The following HS3ST5 variants were observed in gnomAD, a reference collection of about 807,000 sequenced individuals.
HS3ST5 encodes the protein heparan sulfate-glucosamine 3-sulfotransferase 5.
In HS3ST5, 10 loss-of-function variants were observed where a neutral mutation model predicts 25.4. The ratio of observed to expected loss-of-function variants is 0.39; its 90% CI spans 0.24 to 0.67. The LOEUF (loss-of-function observed/expected upper bound fraction) is 0.67. Ranked by LOEUF, HS3ST5 falls within the 30% of genes least tolerant of loss-of-function variation. The probability of loss-of-function intolerance (pLI) is 0.44; values close to 1 mark genes in which losing one functional copy is unlikely to be tolerated. For missense variants in HS3ST5, 324 were observed against 420.7 expected (o/e 0.77, Z 2.01); for synonymous variants, 170 against 162.4 (o/e 1.05, Z -0.36).
intron 2 of HS3ST5, among the ~76,000 whole-genome samples, chr6:114,176,299 A>C (rs887558512): frequency 3.3e-5 from 5 of 152,184 alleles, no homozygotes; most frequent in Non-Finnish European, 7.3e-5. Flanking sequence ...AACAATGTGA[A>C]AACACCTGTC....
chr6:114,066,877 T>C (rs1041369738), intron 3 of HS3ST5, among the ~76,000 whole-genome samples: 10 of 151,930 alleles, frequency 6.6e-5, no homozygotes, highest in African/African-American at 2.4e-4. Flanking sequence ...TAATATAAGT[T>C]ATTTTGTCCC....
chr6:114,086,301 C>G (rs1774821613), intron 3 of HS3ST5, among the ~76,000 whole-genome samples: 2 of 152,116 alleles, frequency 1.3e-5, no homozygotes, highest in South Asian at 4.1e-4. Flanking sequence ...TTTTCTCTAG[C>G]AAGTAGCAGA....
At chr6:114,195,421 T>C (rs886757934) in intron 2 of HS3ST5, among the ~76,000 whole-genome samples, 1 of 152,028 alleles carries the variant, frequency 6.6e-6, no homozygotes, top group Non-Finnish European at 1.5e-5. Flanking sequence ...CATTCAGCTG[T>C]TGTAAGCCAA....
intron 3 of HS3ST5, among the ~76,000 whole-genome samples, chr6:114,135,790 C>T (rs1777568253): frequency 6.6e-6 from 1 of 152,188 alleles, no homozygotes; most frequent in Non-Finnish European, 1.5e-5. Context: ...AAGGCTCTTC[C>T]CCAGCCACCC....
intron 2 of HS3ST5, among the ~76,000 whole-genome samples, chr6:114,226,558 T>C (rs1333869080): frequency 6.6e-6 from 1 of 151,876 alleles, no homozygotes; most frequent in Non-Finnish European, 1.5e-5. Flanking sequence ...GAGAAACTTT[T>C]ATATGAAGAG....
At chr6:114,128,938 C>T (rs1401448532) in intron 3 of HS3ST5, among the ~76,000 whole-genome samples, 1 of 152,166 alleles carries the variant, frequency 6.6e-6, no homozygotes, top group Non-Finnish European at 1.5e-5. Context: ...GAAAAAGCTG[C>T]TGATAAATTC....
At chr6:114,306,677 T>C (rs1001062729) in intron 1 of HS3ST5, among the ~76,000 whole-genome samples, 1 of 152,126 alleles carries the variant, frequency 6.6e-6, no homozygotes, top group African/African-American at 2.4e-5. Context: ...GTGGTTGCTA[T>C]AAAAATAGCT....
At chr6:114,273,171 G>T (rs1188400105) in intron 1 of HS3ST5, among the ~76,000 whole-genome samples, 1 of 152,062 alleles carries the variant, frequency 6.6e-6, no homozygotes, top group Non-Finnish European at 1.5e-5. Context: ...GAGTGATAAT[G>T]GTGGAGAAGG....
At chr6:114,202,142 C>T (rs559815214) in intron 2 of HS3ST5, among the ~76,000 whole-genome samples, 4 of 151,974 alleles carry the variant, frequency 2.6e-5, no homozygotes, top group Admixed American at 6.6e-5. Flanking sequence ...TTCAAAAGGC[C>T]GGGGAAAATG....
chr6:114,253,652 C>T (rs551694867), intron 1 of HS3ST5, among the ~76,000 whole-genome samples: 52 of 152,144 alleles, frequency 3.4e-4, no homozygotes, highest in Middle Eastern at 3.2e-3. Context: ...AGACATGACA[C>T]TCAGCACAAT....
intron 2 of HS3ST5, among the ~76,000 whole-genome samples, chr6:114,197,044 C>T (rs1472912396): frequency 6.6e-6 from 1 of 151,958 alleles, no homozygotes; most frequent in African/African-American, 2.4e-5. Flanking sequence ...GGGCTCCAAC[C>T]AGTTGGTCAA....
chr6:114,231,323 A>G (rs1038921318), intron 1 of HS3ST5: 2 of 152,360 alleles, frequency 1.3e-5, no homozygotes, highest in East Asian at 3.9e-4. Context: ...TGCTTTCACC[A>G]TGTGATGTGC....
At chr6:114,240,533 C>T (rs1276382048) in intron 1 of HS3ST5, among the ~76,000 whole-genome samples, 2 of 152,106 alleles carry the variant, frequency 1.3e-5, no homozygotes, top group Non-Finnish European at 2.9e-5. Flanking sequence ...TCGAAGGGGT[C>T]CTTTGTTGCT....
intron 3 of HS3ST5, among the ~76,000 whole-genome samples, chr6:114,077,191 T>C (rs34674577): frequency 0.019 from 2,962 of 152,296 alleles, 54 homozygotes; most frequent in Non-Finnish European, 0.028. Context: ...AGGATACTCA[T>C]TTTGCATTTG....
At chr6:114,265,171 C>T (rs1318903515) in intron 1 of HS3ST5, among the ~76,000 whole-genome samples, 1 of 152,092 alleles carries the variant, frequency 6.6e-6, no homozygotes, top group African/African-American at 2.4e-5. Context: ...AGGTTTAAGC[C>T]ACCTCCCGGC....
At chr6:114,130,449 A>C (rs1040340536) in intron 3 of HS3ST5, among the ~76,000 whole-genome samples, 1 of 152,196 alleles carries the variant, frequency 6.6e-6, no homozygotes, top group Admixed American at 6.5e-5. Context: ...TTTATAGAAA[A>C]ATCTGGGGTG....
At chr6:114,286,418 T>C (rs1219486692) in intron 1 of HS3ST5, among the ~76,000 whole-genome samples, 2 of 152,026 alleles carry the variant, frequency 1.3e-5, no homozygotes, top group Non-Finnish European at 2.9e-5. Context: ...TCAACAATAA[T>C]GCATTGTACA....
intron 1 of HS3ST5, among the ~76,000 whole-genome samples, chr6:114,245,634 T>C (rs569785101): frequency 1.3e-5 from 2 of 152,240 alleles, no homozygotes; most frequent in African/African-American, 2.4e-5. Context: ...CAACGGACAC[T>C]GTGGAGAGCA....
At chr6:114,312,986 T>A (rs537120005) in intron 1 of HS3ST5, among the ~76,000 whole-genome samples, 2 of 119,592 alleles carry the variant, frequency 1.7e-5, no homozygotes, top group Admixed American at 2.3e-4. Flanking sequence ...ATCATGCCAC[T>A]GCACTCCAGC....
Sources: gnomAD v4.1 joint callset for allele counts (sites outside exome capture counted in the v4.1 genomes callset) on GRCh38, gnomAD v4.1.1 for gene constraint, MANE v1.5 for transcripts, NCBI Gene and HGNC (gene_info 2026-07-23, HGNC 2026-07-21) for gene names.